AP2S1: variants seen among roughly 807,000 people sequenced by gnomAD.
AP2S1 encodes the protein adaptor related protein complex 2 subunit sigma 1.
AP2S1 carries 6 observed loss-of-function variants against 21.0 expected under a neutral mutation model. The observed-to-expected ratio is 0.29, with a 90% CI of 0.16 to 0.56. The LOEUF (loss-of-function observed/expected upper bound fraction) is 0.56. Ranked by LOEUF, AP2S1 falls within the 20% of genes least tolerant of loss-of-function variation. The pLI, the probability that AP2S1 is intolerant of heterozygous loss-of-function variation, is 0.92. For synonymous variants in AP2S1, 63 were observed against 74.6 expected, an observed-to-expected ratio of 0.84 and a Z score of 0.80; for missense variants, 60 against 186.2, an observed-to-expected ratio of 0.32 and a Z score of 3.95.
chr19:46,845,177 G>A (rs2055606932), intron 2 of AP2S1, among the ~76,000 whole-genome samples: 1 of 150,988 alleles, frequency 6.6e-6, no homozygotes, highest in African/African-American at 2.4e-5. Flanking sequence ...GGAAGGCCGA[G>A]GAGGGTGGAT....
chr19:46,846,274 G>A (rs2122794202), intron 1 of AP2S1, 132 bp from the exon 2 acceptor site: 3 of 1,181,082 alleles, frequency 2.5e-6, no homozygotes, highest in Non-Finnish European at 3.5e-6. Flanking sequence ...GACTTCCAGG[G>A]GTCTCGGCTG....
chr19:46,850,451 A>T, intron 1 of AP2S1: 1 of 766,440 alleles, frequency 1.3e-6, no homozygotes, highest in African/African-American at 1.8e-5. Flanking sequence ...CGCTACCCAC[A>T]AGACTGTGTC....
intron 1 of AP2S1, among the ~76,000 whole-genome samples, chr19:46,848,864 C>T (rs1401556824): frequency 6.6e-6 from 1 of 152,080 alleles, no homozygotes; most frequent in Non-Finnish European, 1.5e-5. Flanking sequence ...AGGCGCATGC[C>T]ACCATGCCCG....
intron 2 of AP2S1, 187 bp from the exon 3 acceptor site, chr19:46,839,765 A>G: frequency 1.0e-6 from 1 of 960,492 alleles, no homozygotes; most frequent in South Asian, 1.7e-5. Context: ...CAGCGGGGGC[A>G]GGCATCCCCA....
chr19:46,839,029 G>C (rs1358404069), intron 3 of AP2S1, among the ~76,000 whole-genome samples: 1 of 152,048 alleles, frequency 6.6e-6, no homozygotes, highest in African/African-American at 2.4e-5. Flanking sequence ...GCTCACACCT[G>C]TAATCCCAGC....
At chr19:46,839,211 T>TG (rs2055465685) in intron 3 of AP2S1, among the ~76,000 whole-genome samples, 2 of 130,588 alleles carry the variant, frequency 1.5e-5, no homozygotes, top group Middle Eastern at 5.0e-3. Flanking sequence ...CACTTGAACC[T>TG]GGGAGGTGGA....
In AP2S1 at chr19:46,846,147, G is replaced by A. The variant is rs555604346; in HGVS notation, c.4-5C>T. The A allele has an allele frequency of 2.5e-6, 4 of 1,613,906 alleles. No individual in the cohort carries two copies. The Admixed American group carries it at 6.7e-5, about 27-fold the overall frequency. On this transcript the variant is annotated splice_polypyrimidine_tract_variant and splice_region_variant and intron_variant, in intron 1 of 4. Coordinates refer to ENST00000263270, the MANE Select transcript of AP2S1 (RefSeq NM_004069.6). ...CTGGATGAGGATAAAGCGGATCTGG[G>A]GGCAGCAGGAGGAGAAGGAGGAAGT...
At position 46,839,590 on chromosome 19, in the gene AP2S1, A is replaced by G. The variant is rs752834774; in HGVS notation, c.154-12T>C. 2 of 1,614,196 alleles carry G rather than the reference A, an allele frequency of 1.2e-6. No individual in the cohort carries two copies. Among genetic ancestry groups the G allele is most frequent in the Non-Finnish European group, 1.7e-6 (2 of 1,180,028 alleles). On this transcript the variant is annotated splice_polypyrimidine_tract_variant and intron_variant, in intron 2 of 4. Coordinates refer to ENST00000263270, the MANE Select transcript of AP2S1 (RefSeq NM_004069.6). ...TTAAAGTTCCGGAACTGCAGAACAG[A>G]GAGGCTGTCAGCAACGGAGATTGCC...
intron 3 of AP2S1, 26 bp downstream of exon 3, chr19:46,839,439 C>CCCCAAAAAAACCACAACCCCCCCA: frequency 6.4e-7 from 1 of 1,569,712 alleles, no homozygotes. Flanking sequence ...CCCGCCTCCC[C>CCCCAAAAAAACCACAACCCCCCCA]ACCTTACATC....
chr19:46,847,573 C>G (rs1340880973), intron 1 of AP2S1, among the ~76,000 whole-genome samples: 3 of 152,120 alleles, frequency 2.0e-5, no homozygotes, highest in Non-Finnish European at 2.9e-5. Context: ...CATCTCCCCC[C>G]AAAAAACTCC....
intron 1 of AP2S1, 88 bp from the exon 2 acceptor site, chr19:46,846,230 A>G: frequency 6.6e-7 from 1 of 1,517,970 alleles, no homozygotes; most frequent in Non-Finnish European, 9.0e-7. Context: ...ATCCACCCAG[A>G]GGGGAGATAG....
intron 1 of AP2S1, among the ~76,000 whole-genome samples, chr19:46,846,813 C>T (rs549539373): frequency 6.6e-6 from 1 of 152,120 alleles, no homozygotes; most frequent in South Asian, 2.1e-4. Context: ...CTACAGGCAC[C>T]CGCCACCACG....
In AP2S1 at chr19:46,838,675, G is replaced by A; in HGVS notation, c.327+65C>T. 1 of 1,585,382 alleles carries A rather than the reference G, an allele frequency of 6.3e-7. No individual in the cohort carries two copies. The highest frequency in any genetic ancestry group is 1.1e-5 in the South Asian group (1 of 90,122). The stretch of plus-strand genomic sequence containing the variant: ...TCAGCAGAGGCTCCGGGTGGCTAGT[G>A]CACCACGGGTCCCCCCCGTCCCCCT... On this transcript the variant is annotated intron_variant, in intron 4 of 4. Transcript: ENST00000263270. This position sits in a 1 kb window ranked among gnomAD's most constrained non-coding sequence, Gnocchi z 4.1.
chr19:46,842,861 G>A (rs1264162964), intron 2 of AP2S1, among the ~76,000 whole-genome samples: 1 of 152,048 alleles, frequency 6.6e-6, no homozygotes, highest in Non-Finnish European at 1.5e-5. Flanking sequence ...GCCTGCAGAC[G>A]TGGCCCTCTG....
chr19:46,848,477 T>A (rs968107672), intron 1 of AP2S1, among the ~76,000 whole-genome samples: 6 of 152,188 alleles, frequency 3.9e-5, no homozygotes, highest in African/African-American at 1.4e-4. Flanking sequence ...TATTTTCCAT[T>A]ATGTGATGTT....
At position 46,838,717 on chromosome 19, in the gene AP2S1, C is replaced by T; in HGVS notation, c.327+23G>A. On this transcript the variant is annotated intron_variant, in intron 4 of 4. Transcript: ENST00000263270. The surrounding 1 kb of genome is among the most constrained non-coding windows in gnomAD (Gnocchi z 4.1). ...CGTCCCCCTCCTCTGGCTCCTTCAGCCTCCTCTTCACCAGGAGCCTACCTT... is the reference window on the plus strand; with the variant it reads ...CGTCCCCCTCCTCTGGCTCCTTCAGTCTCCTCTTCACCAGGAGCCTACCTT... 2 of 1,611,360 alleles carry T rather than the reference C, an allele frequency of 1.2e-6. No homozygotes were observed. The highest frequency in any genetic ancestry group is 8.5e-7 in the Non-Finnish European group (1 of 1,177,690).
chr19:46,842,097 C>T (rs151311061), intron 2 of AP2S1, among the ~76,000 whole-genome samples: 2,265 of 152,248 alleles, frequency 0.015, 30 homozygotes, highest in Middle Eastern at 0.024. Context: ...GGGAGGATCC[C>T]TTGAGCCTGG....
At chr19:46,846,527 C>T (rs773670454) in intron 1 of AP2S1, among the ~76,000 whole-genome samples, 36 of 150,118 alleles carry the variant, frequency 2.4e-4, no homozygotes, top group Non-Finnish European at 2.1e-4. Flanking sequence ...TCTCCCACCT[C>T]GGCCTCCCAA....
chr19:46,847,380 C>T (rs1202461165), intron 1 of AP2S1, among the ~76,000 whole-genome samples: 1 of 151,988 alleles, frequency 6.6e-6, no homozygotes, highest in African/African-American at 2.4e-5. Context: ...CCACGCCCAG[C>T]TAACTTTTTG....
Sources: allele counts gnomAD v4.1 joint callset (sites outside exome capture counted in the v4.1 genomes callset), GRCh38; gene constraint gnomAD v4.1.1; non-coding constraint Gnocchi (gnomAD v3.1); transcripts MANE v1.5; gene names NCBI Gene and HGNC (gene_info 2026-07-23, HGNC 2026-07-21).